TK2: variants seen among roughly 807,000 people sequenced by gnomAD.
The protein encoded by TK2 is thymidine kinase 2.
TK2 carries 35 observed loss-of-function variants against 41.9 expected under a neutral mutation model. That is an observed-to-expected ratio of 0.84 (90% CI 0.64 to 1.11). The LOEUF (loss-of-function observed/expected upper bound fraction) is 1.11. TK2 is among the 50% of genes least tolerant of loss of function. The probability of loss-of-function intolerance (pLI) is 0.00; values close to 1 mark genes in which losing one functional copy is unlikely to be tolerated. For missense variants in TK2, 320 were observed against 351.1 expected (o/e 0.91, Z 0.71); for synonymous variants, 128 against 129.1 (o/e 0.99, Z 0.06).
chr16:66,536,864 C>T (rs913085685), intron 4 of TK2, 100 bp downstream of exon 4: 65 of 1,393,526 alleles, frequency 4.7e-5, no homozygotes, highest in Admixed American at 6.7e-5. Context: ...CAGTTAAGAG[C>T]GCAGAGAATG....
chr16:66,539,589 A>C (rs1413906947), intron 3 of TK2, among the ~76,000 whole-genome samples: 1 of 146,190 alleles, frequency 6.8e-6, no homozygotes, highest in Non-Finnish European at 1.5e-5. Context: ...TGACAGAGCA[A>C]GACTCCATCT....
At chr16:66,548,749 G>T in intron 2 of TK2, 1 of 538,494 alleles carries the variant, frequency 1.9e-6, no homozygotes. Context: ...CTACCTGAAG[G>T]ATACAAATAC....
intron 4 of TK2, among the ~76,000 whole-genome samples, chr16:66,532,090 C>T (rs557464076): frequency 7.3e-6 from 1 of 137,372 alleles, no homozygotes; most frequent in African/African-American, 2.8e-5. Context: ...CAAACCTGCA[C>T]ATGTACCCCG....
intron 1 of TK2, 120 bp downstream of exon 1, chr16:66,549,818 G>C (rs1393880027): frequency 3.1e-6 from 4 of 1,287,036 alleles, no homozygotes; most frequent in Non-Finnish European, 3.9e-6. Flanking sequence ...CCGCAGCCGG[G>C]GAGGAAATCC....
chr16:66,523,464 T>A (rs1964839444), intron 6 of TK2, among the ~76,000 whole-genome samples: 2 of 152,190 alleles, frequency 1.3e-5, no homozygotes, highest in South Asian at 4.1e-4. Context: ...CAAAGTCAGT[T>A]CTATGCTACA....
At chr16:66,548,611 G>A (rs1446627186) in intron 2 of TK2, 4 of 266,772 alleles carry the variant, frequency 1.5e-5, no homozygotes, top group Admixed American at 1.0e-4. Flanking sequence ...GGGGGAGAGG[G>A]TGGTGGTGGA....
chr16:66,519,303 T>G (rs923293968), intron 6 of TK2, among the ~76,000 whole-genome samples: 1 of 152,018 alleles, frequency 6.6e-6, no homozygotes, highest in East Asian at 1.9e-4. Flanking sequence ...CTCAGCCTCC[T>G]GAGTAGCTGG....
chr16:66,543,800 G>C (rs1965527595), intron 2 of TK2, among the ~76,000 whole-genome samples: 1 of 152,120 alleles, frequency 6.6e-6, no homozygotes, highest in Non-Finnish European at 1.5e-5. Flanking sequence ...TCAGCTGGCG[G>C]AGAAGGTTCC....
chr16:66,537,962 A>T (rs1365042471), intron 3 of TK2, among the ~76,000 whole-genome samples: 1 of 152,178 alleles, frequency 6.6e-6, no homozygotes, highest in Admixed American at 6.5e-5. Flanking sequence ...CAGGAGTTCA[A>T]GTCCAGCCTG....
intron 2 of TK2, among the ~76,000 whole-genome samples, chr16:66,542,418 G>A (rs756065753): frequency 9.9e-5 from 15 of 152,238 alleles, no homozygotes; most frequent in Admixed American, 7.2e-4. Flanking sequence ...CATTAGGAAA[G>A]GGGAGAAGAA....
At chr16:66,549,353 T>C in intron 1 of TK2, 2 of 1,143,344 alleles carry the variant, frequency 1.7e-6, no homozygotes, top group South Asian at 2.3e-5. Context: ...CGGGGAAGAG[T>C]GGGCGGCGGA....
intron 2 of TK2, among the ~76,000 whole-genome samples, chr16:66,545,773 A>T (rs1965588370): frequency 6.6e-6 from 1 of 152,104 alleles, no homozygotes; most frequent in Admixed American, 6.5e-5. Flanking sequence ...GCAGTGAGCC[A>T]AGATCATGCC....
At chr16:66,542,917 G>C (rs1965499923) in intron 2 of TK2, among the ~76,000 whole-genome samples, 1 of 152,126 alleles carries the variant, frequency 6.6e-6, no homozygotes, top group South Asian at 2.1e-4. Flanking sequence ...TTGTTGCCCA[G>C]GCTGGAGCAC....
intron 4 of TK2, among the ~76,000 whole-genome samples, chr16:66,531,819 C>CA (rs1234747894): frequency 3.3e-5 from 5 of 152,182 alleles, no homozygotes; most frequent in Admixed American, 3.3e-4. Context: ...CTTAAAGACT[C>CA]AGGCCATTAT....
At chr16:66,521,941 GC>G (rs1348501085) in intron 6 of TK2, among the ~76,000 whole-genome samples, 1 of 152,186 alleles carries the variant, frequency 6.6e-6, no homozygotes. Flanking sequence ...GGCCAAGAGA[GC>G]CCCCCAGTCT....
In TK2 at chr16:66,513,874, G is replaced by C. The variant is rs2241620; in HGVS notation, c.619-63C>G. Reference sequence around the variant, plus strand: ...AGAGCAGACCCCACCTACCAAGGGTGTCAAGCAGAGGGGGTCAAAGTAGTC... The same window carrying C: ...AGAGCAGACCCCACCTACCAAGGGTCTCAAGCAGAGGGGGTCAAAGTAGTC... On this transcript the variant is annotated intron_variant, in intron 8 of 9. Coordinates refer to ENST00000544898, the MANE Select transcript of TK2 (RefSeq NM_004614.5). 100,095 of 1,442,802 alleles carry C rather than the reference G, an allele frequency of 0.069. 7,720 individuals are homozygous for C. The highest frequency in any genetic ancestry group is 0.34 in the African/African-American group (23,917 of 71,364). The allele number at this position is 1,442,802 out of a possible 1,614,324, so 89.4% of individuals were successfully genotyped here. A position where few individuals can be genotyped will look rare whatever the true frequency, so the allele number is the denominator to read the frequency against.
At chr16:66,535,669 G>C (rs545402966) in intron 4 of TK2, among the ~76,000 whole-genome samples, 1 of 152,304 alleles carries the variant, frequency 6.6e-6, no homozygotes, top group South Asian at 2.1e-4. Context: ...GAATATTAGG[G>C]GCAGGAGAGC....
At chr16:66,548,458 C>G (rs1355249263) in intron 2 of TK2, among the ~76,000 whole-genome samples, 1 of 152,214 alleles carries the variant, frequency 6.6e-6, no homozygotes, top group Non-Finnish European at 1.5e-5. Flanking sequence ...ACCAACCTGA[C>G]CCTTCTTTGA....
At chr16:66,549,779 GTAAC>G in intron 1 of TK2, 155 bp downstream of exon 1, 1 of 1,283,982 alleles carries the variant, frequency 7.8e-7, no homozygotes, top group Non-Finnish European at 9.8e-7. Flanking sequence ...TCGCGCCCGG[GTAAC>G]GGCCGATGGC....
Sources: gnomAD v4.1 joint callset for allele counts (sites outside exome capture counted in the v4.1 genomes callset) on GRCh38, gnomAD v4.1.1 for gene constraint, MANE v1.5 for transcripts, NCBI Gene and HGNC (gene_info 2026-07-23, HGNC 2026-07-21) for gene names.